Variants in ST3GAL3 observed in about 807,000 individuals in gnomAD.
ST3GAL3 encodes the protein CMP-N-acetylneuraminate-beta-1,4-galactoside alpha-2,3-sialyltransferase.
In ST3GAL3, 21 loss-of-function variants were observed where a neutral mutation model predicts 50.1. The observed-to-expected ratio is 0.42, with a 90% CI of 0.30 to 0.60. The LOEUF (loss-of-function observed/expected upper bound fraction) is 0.60, where lower values mean the gene tolerates loss of function less well. ST3GAL3 is among the 20% of genes least tolerant of loss of function. The pLI is 0.19. For missense variants in ST3GAL3, 353 were observed against 489.4 expected (o/e 0.72, Z 2.63); for synonymous variants, 183 against 190.0 (o/e 0.96, Z 0.30).
At chr1:43,783,916 C>G (rs1165185159) in intron 2 of ST3GAL3, among the ~76,000 whole-genome samples, 1 of 152,140 alleles carries the variant, frequency 6.6e-6, no homozygotes, top group Non-Finnish European at 1.5e-5. Flanking sequence ...TGGTGACTCA[C>G]TTTTTAAAAA....
intron 5 of ST3GAL3, among the ~76,000 whole-genome samples, chr1:43,892,831 C>T (rs1323267917): frequency 6.6e-6 from 1 of 152,156 alleles, no homozygotes; most frequent in East Asian, 1.9e-4. Context: ...GTTCTTGGTG[C>T]AGGCTTATCC....
chr1:43,728,272 G>C (rs1014813311), intron 1 of ST3GAL3, among the ~76,000 whole-genome samples: 1 of 152,044 alleles, frequency 6.6e-6, no homozygotes, highest in Non-Finnish European at 1.5e-5. Flanking sequence ...AAGATCTACG[G>C]AGGTTATCGT....
chr1:43,745,375 T>C (rs1178664148), intron 2 of ST3GAL3, among the ~76,000 whole-genome samples: 1 of 152,068 alleles, frequency 6.6e-6, no homozygotes, highest in East Asian at 1.9e-4. Context: ...TTATATAAAG[T>C]GAGAAAAGGA....
intron 4 of ST3GAL3, among the ~76,000 whole-genome samples, chr1:43,821,843 C>T (rs1344458647): frequency 1.3e-5 from 2 of 152,090 alleles, no homozygotes; most frequent in Admixed American, 1.3e-4. Context: ...GGCTCTTGCC[C>T]CGACAACAAA....
intron 9 of ST3GAL3, among the ~76,000 whole-genome samples, chr1:43,907,155 C>T (rs2428964): frequency 0.75 from 114,650 of 152,192 alleles, 47,698 homozygotes; most frequent in Non-Finnish European, 0.92. Context: ...CTATGAGTAG[C>T]AGTAAGCAGT....
At chr1:43,876,292 T>C (rs552691169) in intron 5 of ST3GAL3, among the ~76,000 whole-genome samples, 50 of 152,210 alleles carry the variant, frequency 3.3e-4, no homozygotes, top group African/African-American at 1.2e-3. Flanking sequence ...TATTTTTGAC[T>C]GAGCCTATAG....
chr1:43,904,871 C>T (rs2078946841), intron 9 of ST3GAL3, among the ~76,000 whole-genome samples: 1 of 150,530 alleles, frequency 6.6e-6, no homozygotes, highest in African/African-American at 2.4e-5. Context: ...CCTCCTCCTC[C>T]TGCTCCTCTT....
Position 43,739,535 on chromosome 1 carries a change from T to C in ST3GAL3, c.118+3155T>C, listed in dbSNP as rs372221052. Among the ~76,000 whole-genome samples, 69 of 152,324 alleles carry C rather than the reference T, an allele frequency of 4.5e-4. No individual in the cohort carries two copies. In the East Asian group the frequency reaches 0.01, roughly 23 times the overall value. Reference sequence around the variant, plus strand: ...TGGCCTGAGGCTAGAGTTTTTATTATTATATTATTCATTCAGTAAGCAGTA... The same window carrying C: ...TGGCCTGAGGCTAGAGTTTTTATTACTATATTATTCATTCAGTAAGCAGTA... On this transcript the variant is annotated intron_variant, in intron 2 of 11. Transcript: ENST00000347631.
intron 5 of ST3GAL3, among the ~76,000 whole-genome samples, chr1:43,860,509 G>A (rs1019504543): frequency 2.6e-5 from 4 of 152,236 alleles, no homozygotes; most frequent in Admixed American, 2.0e-4. Context: ...GAAAGCTGTT[G>A]GCAAAGGCAC....
At chr1:43,710,432 T>C (rs574349002) in intron 1 of ST3GAL3, among the ~76,000 whole-genome samples, 7 of 152,328 alleles carry the variant, frequency 4.6e-5, no homozygotes, top group Admixed American at 3.3e-4. Context: ...TCTGGGGCCA[T>C]TGGACCATTC....
intron 2 of ST3GAL3, among the ~76,000 whole-genome samples, chr1:43,759,065 GCACACACACACACACACACACA>G (rs1553285693): frequency 1.9e-4 from 14 of 75,360 alleles, no homozygotes; most frequent in Non-Finnish European, 4.5e-4. Flanking sequence ...AAAAGCGCGC[GCACACACACACACACACACACA>G]CACACACACA....
At chr1:43,744,930 G>GGGTGA (rs1682956528) in intron 2 of ST3GAL3, among the ~76,000 whole-genome samples, 1 of 151,952 alleles carries the variant, frequency 6.6e-6, no homozygotes, top group Admixed American at 6.6e-5. Context: ...GACAGAGGTT[G>GGGTGA]CAGTGAGCCA....
chr1:43,726,511 T>A (rs1313997170), intron 1 of ST3GAL3, among the ~76,000 whole-genome samples: 1 of 152,198 alleles, frequency 6.6e-6, no homozygotes, highest in Non-Finnish European at 1.5e-5. Flanking sequence ...GGTCTTGAAC[T>A]CTTGGCCTCA....
At chr1:43,893,131 C>A (rs1197398191) in intron 5 of ST3GAL3, among the ~76,000 whole-genome samples, 1 of 152,126 alleles carries the variant, frequency 6.6e-6, no homozygotes, top group Non-Finnish European at 1.5e-5. Flanking sequence ...TAATAGCAGA[C>A]CTCTGAGTGA....
At chr1:43,765,778 TGTGTGTGC>T (rs1425122558) in intron 2 of ST3GAL3, among the ~76,000 whole-genome samples, 45 of 137,076 alleles carry the variant, frequency 3.3e-4, no homozygotes, top group South Asian at 1.8e-3. Flanking sequence ...TGTGTGTGTG[TGTGTGTGC>T]GCGCGCGCGC....
chr1:43,814,465 G>A (rs769088216), intron 3 of ST3GAL3, among the ~76,000 whole-genome samples: 1 of 152,138 alleles, frequency 6.6e-6, no homozygotes, highest in African/African-American at 2.4e-5. Flanking sequence ...ATGGATTTGG[G>A]GACCCGTTGG....
chr1:43,798,220 AC>A (rs1316731109), intron 3 of ST3GAL3, among the ~76,000 whole-genome samples: 1 of 152,080 alleles, frequency 6.6e-6, no homozygotes, highest in Non-Finnish European at 1.5e-5. Flanking sequence ...TGCCCAAGGT[AC>A]CATCTTCTCT....
chr1:43,842,062 A>G (rs767088186), intron 5 of ST3GAL3: 1 of 152,242 alleles, frequency 6.6e-6, no homozygotes, highest in East Asian at 1.9e-4. Flanking sequence ...TTGCTAAGGC[A>G]TAACATGTTA....
At chr1:43,714,136 C>T (rs918742728) in intron 1 of ST3GAL3, among the ~76,000 whole-genome samples, 1 of 151,552 alleles carries the variant, frequency 6.6e-6, no homozygotes, top group Non-Finnish European at 1.5e-5. Context: ...TGGTGGCAGG[C>T]GCCTGTAATC....
Sources: gnomAD v4.1 joint callset for allele counts (sites outside exome capture counted in the v4.1 genomes callset) on GRCh38, gnomAD v4.1.1 for gene constraint, MANE v1.5 for transcripts, NCBI Gene and HGNC (gene_info 2026-07-23, HGNC 2026-07-21) for gene names.